A3GALT2: variants seen among roughly 807,000 people sequenced by gnomAD.
The protein encoded by A3GALT2 is alpha 1,3-galactosyltransferase 2.
A3GALT2 carries 14 observed loss-of-function variants against 16.6 expected under a neutral mutation model. The ratio of observed to expected loss-of-function variants is 0.84; its 90% CI spans 0.56 to 1.32. The LOEUF (loss-of-function observed/expected upper bound fraction) is 1.32. Among genes scored for constraint, A3GALT2 ranks in the 40% most tolerant of loss-of-function variants. A3GALT2 has a pLI of 0.00. For synonymous variants in A3GALT2, 253 were observed against 218.0 expected, an observed-to-expected ratio of 1.16 and a Z score of -1.42; for missense variants, 600 against 490.9, an observed-to-expected ratio of 1.22 and a Z score of -2.10.
At position 33,311,990 on chromosome 1, in the gene A3GALT2, A is replaced by G. The variant is rs551321680; in HGVS notation, c.335+62T>C. 48 of 1,601,464 alleles carry G rather than the reference A, an allele frequency of 3.0e-5. No homozygotes were observed. The South Asian group carries it at 3.7e-4, about 12-fold the overall frequency. On this transcript the variant is annotated intron_variant, in intron 4 of 4. Coordinates refer to ENST00000442999, the MANE Select transcript of A3GALT2 (RefSeq NM_001080438.1). ...GGGAGCAGGGTGCCCCGCCTCCTTC[A>G]TCACATGCACACCCCTCCCACTCAC...
At chr1:33,308,418 T>C (rs1646213931) in intron 4 of A3GALT2, among the ~76,000 whole-genome samples, 1 of 152,096 alleles carries the variant, frequency 6.6e-6, no homozygotes, top group South Asian at 2.1e-4. Context: ...AGAATTATTA[T>C]TTTTGAGATA....
chr1:33,308,751 T>TTTTTTTTTTTTTTTG (rs1646216678), intron 4 of A3GALT2, among the ~76,000 whole-genome samples: 2 of 61,814 alleles, frequency 3.2e-5, no homozygotes, highest in South Asian at 5.1e-4. Flanking sequence ...GTCAAAGTTG[T>TTTTTTTTTTTTTTTG]TTTTTTTTTT....
chr1:33,318,107 G>A (rs1314431222), intron 1 of A3GALT2, among the ~76,000 whole-genome samples: 1 of 152,212 alleles, frequency 6.6e-6, no homozygotes, highest in Non-Finnish European at 1.5e-5. Context: ...GGAAGCATCT[G>A]TGCCTGTGCA....
rs1168200070 is a variant in A3GALT2, at chr1:33,309,780, C to T, written c.335+2272G>A. On this transcript the variant is annotated intron_variant, in intron 4 of 4. Transcript: ENST00000442999. ...GCAGAGACGCTCCTCACTTCCTAGA[C>T]GGGATGGCGGCCGGGAAGAGGCGCT... Among the ~76,000 whole-genome samples, 8 of 147,310 alleles carry T rather than the reference C, an allele frequency of 5.4e-5. No individual in the cohort carries two copies. The South Asian group carries it at 6.6e-4, about 12-fold the overall frequency.
At chr1:33,307,602 A>G in intron 4 of A3GALT2, 149 bp from the exon 5 acceptor site, 1 of 237,608 alleles carries the variant, frequency 4.2e-6, no homozygotes, top group Non-Finnish European at 6.7e-6. Flanking sequence ...CCCCCACCTC[A>G]TCCCACCCCT....
chr1:33,306,987 G>T lies in A3GALT2; in HGVS notation c.802C>A (p.Leu268Met), dbSNP rs1313891521. 1.4e-6 allele frequency: 2 copies of T among 1,467,214 alleles called. No individual in the cohort carries two copies. Among genetic ancestry groups the T allele is most frequent in the Non-Finnish European group, 1.8e-6 (2 of 1,116,610 alleles). The allele number at this position is 1,467,214 out of a possible 1,614,324, so 90.9% of individuals were successfully genotyped here. ...AGGCCCCCCGCACAGTGCGCCGTCAGCCCGCGCAGCGCCGCCACGCTGCCC... is the reference window on the plus strand; with the variant it reads ...AGGCCCCCCGCACAGTGCGCCGTCATCCCGCGCAGCGCCGCCACGCTGCCC... Reference protein sequence around the residue: ...FGGSVAALRGLTAHCAGGLDW... With the variant: ...FGGSVAALRGMTAHCAGGLDW... The change falls in exon 5 of 5, where the codon CTG becomes ATG. Residue 268 changes from leucine (L) to methionine (M), a missense_variant. Transcript: ENST00000442999.
At chr1:33,310,191 C>T (rs1363832657) in intron 4 of A3GALT2, among the ~76,000 whole-genome samples, 1 of 152,208 alleles carries the variant, frequency 6.6e-6, no homozygotes, top group African/African-American at 2.4e-5. Flanking sequence ...CAATCCCAGG[C>T]ACTCGGCAGG....
chr1:33,316,593 CA>C (rs762823581), intron 1 of A3GALT2, among the ~76,000 whole-genome samples: 7 of 150,208 alleles, frequency 4.7e-5, no homozygotes, highest in African/African-American at 7.4e-5. Context: ...TGGGAGGTAT[CA>C]GGGGCAACAC....
intron 4 of A3GALT2, among the ~76,000 whole-genome samples, chr1:33,309,998 C>T (rs1035122328): frequency 1.3e-5 from 2 of 152,280 alleles, no homozygotes; most frequent in East Asian, 1.9e-4. Context: ...CGCCACTGCA[C>T]TCCAGCCTGG....
In A3GALT2 at chr1:33,306,876, T is replaced by C; in HGVS notation, c.913A>G (p.Lys305Glu). The change falls in exon 5 of 5, where the codon AAG becomes GAG. Residue 305 changes from lysine to glutamate, a missense_variant. By Grantham distance (56) the Lys-to-Glu change is moderately conservative (BLOSUM62 1). Coordinates refer to ENST00000442999, the MANE Select transcript of A3GALT2 (RefSeq NM_001080438.1). ...CAGCAGAACTCGGGCGACAGCACCT[T>C]GGCGGGCTTGTGCAGCCAGAAGAAC... is the stretch of plus-strand genomic sequence containing the variant. ...NKFFWLHKPA[K>E]VLSPEFCWSP... 2.0e-6 allele frequency: 3 copies of C among 1,520,054 alleles called. No individual in the cohort carries two copies. The highest frequency in any genetic ancestry group is 2.1e-5 in the Admixed American group (1 of 48,528). The allele number at this position is 1,520,054 out of a possible 1,614,324, so 94.2% of individuals were successfully genotyped here.
chr1:33,308,791 G>A (rs559532766), intron 4 of A3GALT2, among the ~76,000 whole-genome samples: 1 of 44,852 alleles, frequency 2.2e-5, no homozygotes. Flanking sequence ...AGTATTTATT[G>A]ATCATTCTTG....
chr1:33,318,470 C>T (rs1056510792), intron 1 of A3GALT2, among the ~76,000 whole-genome samples: 3 of 152,122 alleles, frequency 2.0e-5, no homozygotes, highest in African/African-American at 7.2e-5. Context: ...CTTTCTCTCC[C>T]GACAGCCAAG....
rs1035066881 is a variant in A3GALT2 at position 33,311,937 on chromosome 1, C to T, written c.335+115G>A. 48 of 1,432,590 alleles carry T rather than the reference C, an allele frequency of 3.4e-5. No homozygotes were observed. In the African/African-American group the frequency reaches 5.1e-4, roughly 15 times the overall value. 88.7% of individuals were successfully genotyped at this position (1,432,590 alleles called of 1,614,324 possible). On this transcript the variant is annotated intron_variant, in intron 4 of 4. Transcript: ENST00000442999. ...GGCAAGAAGTGTTGTCTTTGCTTCT[C>T]GCTTCACTTTGGGATCCCATGGCAC...
At chr1:33,310,284 G>A (rs1018037258) in intron 4 of A3GALT2, among the ~76,000 whole-genome samples, 2 of 152,166 alleles carry the variant, frequency 1.3e-5, no homozygotes, top group East Asian at 3.9e-4. Flanking sequence ...GCATCAGAGG[G>A]AGACCGTGGA....
In A3GALT2 at chr1:33,312,457, G is replaced by A. The variant is rs752497818; in HGVS notation, c.197+44C>T. 2.6e-6 allele frequency: 4 copies of A among 1,513,702 alleles called. No homozygotes were observed. The South Asian group carries it at 5.1e-5, about 19-fold the overall frequency. 93.8% of individuals were successfully genotyped at this position (1,513,702 alleles called of 1,614,324 possible). A position where few individuals can be genotyped will look rare whatever the true frequency, so the allele number is the denominator to read the frequency against. On this transcript the variant is annotated intron_variant, in intron 3 of 4. Transcript: ENST00000442999. ...AGGGACATGGGGCAGAGCTGTGTAG[G>A]GTTTGGGGGTGCCCTTGGAGTAGGA...
Position 33,311,970 on chromosome 1 carries a change from C to A in A3GALT2, c.335+82G>T, listed in dbSNP as rs1646234764. The A allele has an allele frequency of 1.9e-6, 3 of 1,557,664 alleles. No individual in the cohort carries two copies. The Admixed American group carries it at 5.5e-5, about 28-fold the overall frequency. ...TTTGGGATCCCATGGCACAGGGGAG[C>A]AGGGTGCCCCGCCTCCTTCATCACA... On this transcript the variant is annotated intron_variant, in intron 4 of 4. Coordinates refer to ENST00000442999, the MANE Select transcript of A3GALT2 (RefSeq NM_001080438.1).
intron 4 of A3GALT2, 47 bp downstream of exon 4, chr1:33,312,005 C>T (rs768640142): frequency 1.2e-6 from 2 of 1,610,370 alleles, no homozygotes; most frequent in Admixed American, 3.3e-5. Context: ...ATGCACACCC[C>T]TCCCACTCAC....
chr1:33,319,291 C>T (rs1646274948), intron 1 of A3GALT2, among the ~76,000 whole-genome samples: 1 of 152,210 alleles, frequency 6.6e-6, no homozygotes, highest in African/African-American at 2.4e-5. Context: ...TTGGGACACT[C>T]AGGTGAATAC....
rs1200862599 is a variant in A3GALT2, at chr1:33,312,183, C to T, written c.204G>A (p.Arg68=). The change falls in exon 4 of 5, where the codon CGG becomes CGA. Residue 68 remains arginine (R), a synonymous_variant. Transcript: ENST00000442999. ...AGGGGGTACAGGTCAGAACTTCAGG[C>T]CGGGCCCTGGCCAGGGCAGGGATGG... ...NFTGALRPWA[R]PEVLTCTPWG... 2 of 1,613,160 alleles carry T rather than the reference C, an allele frequency of 1.2e-6. No individual in the cohort carries two copies. Among genetic ancestry groups the T allele is most frequent in the Non-Finnish European group, 1.7e-6 (2 of 1,179,766 alleles).
Sources: allele counts gnomAD v4.1 joint callset (sites outside exome capture counted in the v4.1 genomes callset), GRCh38; gene constraint gnomAD v4.1.1; transcripts MANE v1.5; gene names NCBI Gene and HGNC (gene_info 2026-07-23, HGNC 2026-07-21).